ESRRG: variants seen among roughly 807,000 people sequenced by gnomAD.
ESRRG encodes estrogen-related receptor gamma.
In ESRRG, 13 loss-of-function variants were observed where a neutral mutation model predicts 44.0. The ratio of observed to expected loss-of-function variants is 0.30; its 90% CI spans 0.19 to 0.47. The LOEUF is 0.47. Ranked by LOEUF, ESRRG falls within the 20% of genes least tolerant of loss-of-function variation. The pLI, the probability that ESRRG is intolerant of heterozygous loss-of-function variation, is 1.00. For synonymous variants in ESRRG, 215 were observed against 214.6 expected, an observed-to-expected ratio of 1.00 and a Z score of -0.02; for missense variants, 395 against 580.6, an observed-to-expected ratio of 0.68 and a Z score of 3.29.
At chr1:217,015,517 T>C (rs1294485226) in intron 1 of ESRRG, among the ~76,000 whole-genome samples, 2 of 152,170 alleles carry the variant, frequency 1.3e-5, no homozygotes, top group South Asian at 2.1e-4. Context: ...TGTTTTTCTC[T>C]ACACAGGAGC....
At chr1:217,047,868 G>C (rs892233029) in intron 1 of ESRRG, among the ~76,000 whole-genome samples, 1 of 152,152 alleles carries the variant, frequency 6.6e-6, no homozygotes, top group Non-Finnish European at 1.5e-5. Context: ...TTTGACTATA[G>C]GCCAAGGGAG....
At chr1:216,561,738 G>A (rs115041261) in intron 5 of ESRRG, among the ~76,000 whole-genome samples, 2 of 151,864 alleles carry the variant, frequency 1.3e-5, no homozygotes, top group East Asian at 3.9e-4. Context: ...CTCTTGTTTT[G>A]CTAATCCCTT....
At chr1:217,046,023 A>C (rs1299702105) in intron 1 of ESRRG, among the ~76,000 whole-genome samples, 1 of 152,142 alleles carries the variant, frequency 6.6e-6, no homozygotes, top group African/African-American at 2.4e-5. Context: ...GGAACACAAT[A>C]AGAGCAAGTA....
intron 2 of ESRRG, among the ~76,000 whole-genome samples, chr1:216,763,381 C>T (rs2092904668): frequency 6.6e-6 from 1 of 151,992 alleles, no homozygotes; most frequent in Non-Finnish European, 1.5e-5. Context: ...CTCTCAACGG[C>T]AGTAGTTATA....
At chr1:216,519,570 T>C in intron 5 of ESRRG, 149 bp from the exon 6 acceptor site, 1 of 713,960 alleles carries the variant, frequency 1.4e-6, no homozygotes, top group Non-Finnish European at 2.2e-6. Context: ...CTGGATCACT[T>C]TGCGAACAGC....
chr1:217,069,153 C>A (rs558556012), intron 1 of ESRRG, among the ~76,000 whole-genome samples: 2 of 152,082 alleles, frequency 1.3e-5, no homozygotes, highest in Non-Finnish European at 2.9e-5. Context: ...CAGCTGTCAG[C>A]GTAGCTAGAA....
rs1207923055 is a variant in ESRRG at position 216,505,667 on chromosome 1, A to T, written c.*1272T>A. 1 of 152,580 alleles carries T rather than the reference A, an allele frequency of 6.6e-6. No individual in the cohort carries two copies. Among genetic ancestry groups the T allele is most frequent in the African/African-American group, 2.4e-5 (1 of 41,430 alleles). The allele number at this position is 152,580 out of a possible 1,614,324, so 9.5% of individuals were successfully genotyped here. ...TCTATATCTCATGTGCAGTGCTTAT[A>T]TATGTGACTACTCAGAGTCACTGTA... is the stretch of plus-strand genomic sequence containing the variant. On this transcript the variant is annotated 3_prime_UTR_variant, in exon 7 of 7. Coordinates refer to ENST00000408911, the MANE Select transcript of ESRRG (RefSeq NM_001438.4).
intron 2 of ESRRG, among the ~76,000 whole-genome samples, chr1:216,911,690 AG>A (rs145235835): frequency 0.019 from 2,910 of 152,182 alleles, 111 homozygotes; most frequent in African/African-American, 0.063. Context: ...TGCTAGTGTC[AG>A]GGAGGGGTAT....
intron 3 of ESRRG, among the ~76,000 whole-genome samples, chr1:216,611,578 T>C (rs1465729315): frequency 6.6e-6 from 1 of 152,040 alleles, no homozygotes; most frequent in Non-Finnish European, 1.5e-5. Context: ...TCATCAGTAT[T>C]GACGGAACAT....
At chr1:216,752,501 T>C (rs1439981848) in intron 2 of ESRRG, among the ~76,000 whole-genome samples, 1 of 152,154 alleles carries the variant, frequency 6.6e-6, no homozygotes, top group East Asian at 1.9e-4. Context: ...GTTTCTTTCC[T>C]GAAGCAAACA....
chr1:216,749,147 AT>A (rs34684564), intron 2 of ESRRG, among the ~76,000 whole-genome samples: 26 of 149,028 alleles, frequency 1.7e-4, no homozygotes, highest in African/African-American at 5.7e-4. Context: ...GTGTCTAAAT[AT>A]TTTTTTTTTT....
chr1:216,779,276 T>G (rs867605443), intron 2 of ESRRG, among the ~76,000 whole-genome samples: 1 of 32,582 alleles, frequency 3.1e-5, no homozygotes, highest in East Asian at 1.1e-3. Context: ...TATATTTATA[T>G]TTATAAACAT....
At chr1:217,133,639 C>CTT (rs1558298202) in intron 1 of ESRRG, among the ~76,000 whole-genome samples, 2,023 of 90,928 alleles carry the variant, frequency 0.022, 56 homozygotes, top group African/African-American at 0.061. Flanking sequence ...CTTTCTCTCT[C>CTT]TCTCTCTCTT....
chr1:217,048,058 T>C (rs573359815), intron 1 of ESRRG, among the ~76,000 whole-genome samples: 1 of 152,272 alleles, frequency 6.6e-6, no homozygotes, highest in South Asian at 2.1e-4. Flanking sequence ...TCCTTCCTAT[T>C]TGAGTCTGTC....
rs890905901 is a variant in ESRRG, at chr1:216,707,234, A to AT, written c.56+16009dup. 2,112 of 1,057,614 alleles carry AT rather than the reference A, an allele frequency of 2.0e-3. 2 individuals carry two copies. The highest frequency in any genetic ancestry group is 2.1e-3 in the Non-Finnish European group (1,550 of 749,562). The allele number at this position is 1,057,614 out of a possible 1,614,324, so 65.5% of individuals were successfully genotyped here. A position where few individuals can be genotyped will look rare whatever the true frequency, so the allele number is the denominator to read the frequency against. The stretch of plus-strand genomic sequence containing the variant: ...ACTGTCTTACATGATCTTTAAAAGC[A>AT]TTTTTTTTTCTTTTCATTAATCAGT... On this transcript the variant is annotated intron_variant, in intron 1 of 6. Coordinates refer to ENST00000408911, the MANE Select transcript of ESRRG (RefSeq NM_001438.4).
intron 1 of ESRRG, among the ~76,000 whole-genome samples, chr1:217,033,986 C>G (rs942467810): frequency 6.6e-6 from 1 of 152,188 alleles, no homozygotes; most frequent in African/African-American, 2.4e-5. Context: ...TTCTGAAACA[C>G]TGTGCTTATC....
intron 1 of ESRRG, among the ~76,000 whole-genome samples, chr1:217,079,466 G>C (rs1205545180): frequency 1.3e-5 from 2 of 152,146 alleles, no homozygotes; most frequent in African/African-American, 4.8e-5. Flanking sequence ...CAAGGTGTTT[G>C]CTTTTCATTT....
intron 3 of ESRRG, among the ~76,000 whole-genome samples, chr1:216,634,443 T>C (rs972126903): frequency 2.0e-5 from 3 of 152,164 alleles, no homozygotes; most frequent in African/African-American, 2.4e-5. Flanking sequence ...GAGAGAATTT[T>C]TGAAAAGAAC....
chr1:217,070,625 C>A (rs535593813), intron 1 of ESRRG, among the ~76,000 whole-genome samples: 8 of 152,326 alleles, frequency 5.3e-5, no homozygotes, highest in African/African-American at 1.9e-4. Flanking sequence ...AGGTTATCCA[C>A]CCCACTTTGG....
Sources: allele counts gnomAD v4.1 joint callset (sites outside exome capture counted in the v4.1 genomes callset), GRCh38; gene constraint gnomAD v4.1.1; transcripts MANE v1.5; gene names NCBI Gene and HGNC (gene_info 2026-07-23, HGNC 2026-07-21).